Variants in PDE4DIP observed in about 807,000 individuals in gnomAD.
PDE4DIP encodes myomegalin.
Under a neutral mutation model 221.4 loss-of-function variants are expected in PDE4DIP, and 59 were observed. The ratio of observed to expected loss-of-function variants is 0.27; its 90% confidence interval spans 0.22 to 0.33. The LOEUF (loss-of-function observed/expected upper bound fraction) is 0.33, where lower values mean the gene tolerates loss of function less well. Among genes scored for constraint, PDE4DIP ranks in the 10% least tolerant of loss-of-function variants. The pLI is 1.00. For missense variants in PDE4DIP, 1,036 were observed against 2,154.2 expected, an observed-to-expected ratio of 0.48 and a Z score of 10.28; for synonymous variants, 404 against 815.9, an observed-to-expected ratio of 0.50 and a Z score of 8.60.
At chr1:148,818,025 C>T (rs1668216416) in intron 1 of PDE4DIP, among the ~76,000 whole-genome samples, 1 of 149,588 alleles carries the variant, frequency 6.7e-6, no homozygotes, top group Admixed American at 6.6e-5. Context: ...CCATGTTGGC[C>T]AGGGTGGTCT....
At chr1:148,960,946 T>C (rs1218704295) in intron 6 of PDE4DIP, among the ~76,000 whole-genome samples, 161 bp downstream of exon 9, 1 of 152,252 alleles carries the variant, frequency 6.6e-6, no homozygotes, top group East Asian at 1.9e-4. Flanking sequence ...CTTCTCTTTA[T>C]TCTTATGAAG....
chr1:148,957,349 AAAG>A (rs1339447579), intron 5 of PDE4DIP, among the ~76,000 whole-genome samples: 1 of 44,092 alleles, frequency 2.3e-5, no homozygotes, highest in Non-Finnish European at 4.3e-5. Context: ...TATTACAAAT[AAAG>A]AAGAAACAAA....
chr1:148,990,256 A>G (rs2062756507), intron 21 of PDE4DIP: 10 of 983,904 alleles, frequency 1.0e-5, no homozygotes, highest in Non-Finnish European at 1.2e-5. Context: ...CAACCCTTAA[A>G]GCTGCCATAA....
chr1:148,986,196 G>A lies in PDE4DIP; in HGVS notation c.2815+4799G>A, dbSNP rs1377498081. ...GCCTGGGCAACAAGAGTGAAACTCT[G>A]TCTTAAATAAATAAATAAAGTGGTT... On this transcript the variant is annotated intron_variant, in intron 21 of 43. Transcript: ENST00000369354. 3 of 152,104 alleles carry A rather than the reference G, an allele frequency of 2.0e-5. No homozygotes were observed. In the East Asian group the frequency reaches 5.8e-4, roughly 29 times the overall value. 9.4% of individuals were successfully genotyped at this position (152,104 alleles called of 1,614,324 possible).
chr1:149,032,954 GAA>G (rs1446461963), exon 44 of PDE4DIP: 1 of 196,604 alleles, frequency 5.1e-6, no homozygotes, highest in African/African-American at 2.3e-5. Flanking sequence ...GACAGAAAAT[GAA>G]AGTCTTTTTG....
chr1:149,021,204 T>C, intron 37 of PDE4DIP, 51 bp downstream of exon 40: 1 of 666,750 alleles, frequency 1.5e-6, no homozygotes, highest in Non-Finnish European at 2.7e-6. Context: ...TTGCATAGGA[T>C]GCTAGTGAGG....
At chr1:148,970,076 T>C (rs1363823443) in intron 14 of PDE4DIP, among the ~76,000 whole-genome samples, 1 of 151,764 alleles carries the variant, frequency 6.6e-6, no homozygotes, top group Admixed American at 6.6e-5. Flanking sequence ...TTAGTTGACT[T>C]GTGCTGCATT....
At chr1:149,013,662 A>G (rs1437515575) in intron 32 of PDE4DIP, among the ~76,000 whole-genome samples, 1 of 102,166 alleles carries the variant, frequency 9.8e-6, no homozygotes, top group Non-Finnish European at 1.9e-5. Flanking sequence ...TGAGCCAGAG[A>G]CTGATAGGGT....
chr1:149,020,768 T>C, intron 36 of PDE4DIP: 1 of 482,116 alleles, frequency 2.1e-6, no homozygotes, highest in Non-Finnish European at 3.7e-6. Context: ...ACTGTGCTGG[T>C]GTGTCTGTTC....
chr1:148,982,329 C>G (rs2061257353), intron 21 of PDE4DIP: 1 of 152,106 alleles, frequency 6.6e-6, no homozygotes, highest in African/African-American at 2.4e-5. Flanking sequence ...CTCATTATAG[C>G]CAGAAGAGGG....
At chr1:148,893,194 T>C (rs1363239039) in intron 1 of PDE4DIP, among the ~76,000 whole-genome samples, 4 of 143,898 alleles carry the variant, frequency 2.8e-5, no homozygotes, top group Non-Finnish European at 4.5e-5. Flanking sequence ...TCAAGTGATC[T>C]TCCCACCTTG....
At chr1:148,824,388 A>G (rs1376101295) in intron 1 of PDE4DIP, among the ~76,000 whole-genome samples, 1 of 149,348 alleles carries the variant, frequency 6.7e-6, no homozygotes, top group Non-Finnish European at 1.5e-5. Flanking sequence ...GCATACTCCA[A>G]ATGGAAGCCA....
chr1:148,972,697 C>T (rs1274425889), intron 16 of PDE4DIP, 105 bp downstream of exon 19: 11 of 505,898 alleles, frequency 2.2e-5, no homozygotes, highest in South Asian at 5.5e-5. Flanking sequence ...TCTCTTCCTA[C>T]CTTAATAGAA....
intron 1 of PDE4DIP, among the ~76,000 whole-genome samples, chr1:148,823,629 A>C (rs1384272452): frequency 6.7e-6 from 1 of 150,228 alleles, no homozygotes; most frequent in African/African-American, 2.5e-5. Context: ...ATCAAATTTT[A>C]GATTCTTTTT....
chr1:148,977,902 G>A (rs1553538843), intron 17 of PDE4DIP, 35 bp from the exon 21 acceptor site: 3 of 1,603,802 alleles, frequency 1.9e-6, no homozygotes, highest in Non-Finnish European at 2.5e-6. Context: ...GTGTTAAAAT[G>A]TAAACATGGC....
intron 14 of PDE4DIP, among the ~76,000 whole-genome samples, chr1:148,971,678 A>G (rs1469513831): frequency 2.0e-5 from 3 of 151,884 alleles, no homozygotes; most frequent in African/African-American, 7.3e-5. Flanking sequence ...GATCCCCAAA[A>G]CATATTCATC....
chr1:148,953,927 T>G (rs199782170), intron 5 of PDE4DIP: 3 of 1,587,760 alleles, frequency 1.9e-6, no homozygotes, highest in Non-Finnish European at 2.6e-6. Flanking sequence ...GGCTACATAG[T>G]GCCTTTCTGA....
At chr1:149,011,003 G>A (rs1183949488) in intron 31 of PDE4DIP, among the ~76,000 whole-genome samples, 4 of 147,840 alleles carry the variant, frequency 2.7e-5, no homozygotes, top group Non-Finnish European at 4.5e-5. Flanking sequence ...GCAAGAGGTA[G>A]TGCTACTTGT....
chr1:148,820,830 A>ATTATTTATTTATTTAT (rs56760360), intron 1 of PDE4DIP, among the ~76,000 whole-genome samples: 2 of 112,314 alleles, frequency 1.8e-5, no homozygotes, highest in Non-Finnish European at 3.7e-5. Context: ...GGATGATCTG[A>ATTATTTATTTATTTAT]TTATTTATTT....
Sources: allele counts gnomAD v4.1 joint callset (sites outside exome capture counted in the v4.1 genomes callset), GRCh38; gene constraint gnomAD v4.1.1; transcripts MANE v1.5; gene names NCBI Gene and HGNC (gene_info 2026-07-23, HGNC 2026-07-21).